TNRC6A: variants seen among roughly 807,000 people sequenced by gnomAD.
TNRC6A encodes trinucleotide repeat-containing gene 6A protein.
Under a neutral mutation model 221.2 loss-of-function variants are expected in TNRC6A, and 44 were observed. The ratio of observed to expected loss-of-function variants is 0.20; its 90% CI spans 0.16 to 0.26. TNRC6A has a LOEUF of 0.26. TNRC6A is among the 10% of genes least tolerant of loss of function. TNRC6A has a pLI of 1.00. For missense variants in TNRC6A, 2,199 were observed against 2,404.4 expected, an observed-to-expected ratio of 0.91 and a Z score of 1.79; for synonymous variants, 847 against 838.5, an observed-to-expected ratio of 1.01 and a Z score of -0.18.
chr16:24,802,951 A>G (rs1421967538), intron 11 of TNRC6A, among the ~76,000 whole-genome samples: 1 of 152,198 alleles, frequency 6.6e-6, no homozygotes, highest in Non-Finnish European at 1.5e-5. Context: ...TTTTGCAGGA[A>G]AAAAGTTTCC....
intron 12 of TNRC6A, 134 bp from the exon 13 acceptor site, chr16:24,804,571 G>A (rs901246410): frequency 3.0e-5 from 41 of 1,346,336 alleles, no homozygotes; most frequent in South Asian, 2.6e-4. Context: ...ACACTAATCC[G>A]ATCTCTTCTG....
intron 11 of TNRC6A, among the ~76,000 whole-genome samples, chr16:24,802,448 C>G (rs2058348631): frequency 6.6e-6 from 1 of 152,122 alleles, no homozygotes; most frequent in Non-Finnish European, 1.5e-5. Flanking sequence ...ACTCAGGAAG[C>G]TGAGGTGAGA....
chr16:24,738,158 C>T (rs1008966864), intron 2 of TNRC6A, among the ~76,000 whole-genome samples: 1 of 152,164 alleles, frequency 6.6e-6, no homozygotes. Flanking sequence ...GGAATTAAAG[C>T]CCAGACTCTT....
chr16:24,765,189 T>A (rs12598296), intron 4 of TNRC6A, among the ~76,000 whole-genome samples: 3 of 152,192 alleles, frequency 2.0e-5, no homozygotes, highest in Admixed American at 2.0e-4. Context: ...CCTTCTATTA[T>A]AACGAATTTC....
chr16:24,820,247 C>A lies in TNRC6A; in HGVS notation c.5189C>A (p.Pro1730Gln). ...TTGCCACCTAAAAACATCACTGCTC[C>A]GTCCCGCCCACCTCCGGGACTGACT... ...VPLPPKNITA[P>Q]SRPPPGLTGQ... Residue 1730 changes from proline (P) to glutamine (Q), a missense_variant, in exon 22 of 25, where the codon CCG becomes CAG. Pro to Gln is a moderately conservative substitution (Grantham distance 76). Around this residue, in one of 8 missense-constraint regions of TNRC6A, gnomAD observed 449 missense variants for 579.7 expected, o/e 0.77. Coordinates refer to ENST00000395799, the MANE Select transcript of TNRC6A (RefSeq NM_014494.4). 2 of 1,614,110 alleles carry A rather than the reference C, an allele frequency of 1.2e-6. No homozygotes were observed. Among genetic ancestry groups the A allele is most frequent in the Non-Finnish European group, 1.7e-6 (2 of 1,180,020 alleles).
chr16:24,803,836 G>A, intron 11 of TNRC6A: 1 of 201,346 alleles, frequency 5.0e-6, no homozygotes, highest in Middle Eastern at 2.0e-3. Flanking sequence ...AGGAGGTGGA[G>A]GTTGCAGTGA....
intron 2 of TNRC6A, among the ~76,000 whole-genome samples, chr16:24,712,907 CTGTGTG>C (rs61198955): frequency 0.031 from 3,988 of 126,612 alleles, 75 homozygotes; most frequent in African/African-American, 0.043. Flanking sequence ...TTATGTGCCA[CTGTGTG>C]TGTGTGTGTG....
intron 2 of TNRC6A, among the ~76,000 whole-genome samples, chr16:24,738,922 C>T (rs1035883653): frequency 2.0e-5 from 3 of 151,794 alleles, no homozygotes; most frequent in African/African-American, 7.3e-5. Context: ...GGTGCAATCT[C>T]AGCTCACTGC....
chr16:24,689,165 T>C (rs11859202), intron 2 of TNRC6A, among the ~76,000 whole-genome samples: 9,671 of 152,236 alleles, frequency 0.064, 787 homozygotes, highest in East Asian at 0.32. Flanking sequence ...GTAACTGATA[T>C]AAACGTGGGA....
intron 4 of TNRC6A, among the ~76,000 whole-genome samples, chr16:24,766,039 A>G (rs1467354205): frequency 1.3e-5 from 2 of 152,236 alleles, no homozygotes; most frequent in Non-Finnish European, 2.9e-5. Flanking sequence ...CAAAGGAAAC[A>G]GGAAGTAGAT....
Position 24,805,636 on chromosome 16 carries a change from A to G in TNRC6A, c.4154A>G (p.Asn1385Ser). The G allele has an allele frequency of 5.0e-6, 8 of 1,614,216 alleles. No individual in the cohort carries two copies. Among genetic ancestry groups the G allele is most frequent in the Non-Finnish European group, 6.8e-6 (8 of 1,180,034 alleles). ...VPVSLLKYAP[N>S]NGGLNPLFGP... The stretch of plus-strand genomic sequence containing the variant: ...GTTTCATTGCTGAAGTATGCACCAA[A>G]CAACGGTGGCCTGAATCCACTCTTT... The change falls in exon 15 of 25, where the codon AAC (asparagine) becomes AGC (serine). Residue 1385 changes from asparagine to serine, a missense_variant. Coordinates refer to ENST00000395799, the MANE Select transcript of TNRC6A (RefSeq NM_014494.4).
At chr16:24,657,612 G>A (rs1049303887) in intron 2 of TNRC6A, among the ~76,000 whole-genome samples, 1 of 151,852 alleles carries the variant, frequency 6.6e-6, no homozygotes, top group Non-Finnish European at 1.5e-5. Flanking sequence ...GGAAGGCTGA[G>A]GCAGGAGAAT....
intron 2 of TNRC6A, among the ~76,000 whole-genome samples, chr16:24,644,817 A>G (rs911672210): frequency 1.3e-5 from 2 of 152,202 alleles, no homozygotes; most frequent in African/African-American, 4.8e-5. Context: ...TAGTTGCCAC[A>G]CTTTTAAAAG....
chr16:24,814,571 T>C (rs9923773), intron 18 of TNRC6A, among the ~76,000 whole-genome samples: 35,783 of 151,326 alleles, frequency 0.24, 4,695 homozygotes, highest in Non-Finnish European at 0.31. Flanking sequence ...CGTGCCACCA[T>C]GCCCAGCTAA....
In TNRC6A at chr16:24,644,152, T is replaced by A. The variant is rs190496205; in HGVS notation, n.402+3143T>A. Among the ~76,000 whole-genome samples, 24 of 134,336 alleles carry A rather than the reference T, an allele frequency of 1.8e-4. No homozygotes were observed. In the East Asian group the frequency reaches 5.0e-3, roughly 28 times the overall value. 88.1% of individuals were successfully genotyped at this position (134,336 alleles called of 152,430 possible). ...CCCAGGCTGGAGTGCAGTGGCGCGA[T>A]CTTGGCTCACTGCAAGCTCTGCCTT... On this transcript the variant is annotated intron_variant and non_coding_transcript_variant, in intron 2 of 2. Coordinates refer to the TNRC6A transcript ENST00000566108.
intron 2 of TNRC6A, among the ~76,000 whole-genome samples, chr16:24,713,237 G>A (rs988549255): frequency 3.9e-5 from 6 of 151,912 alleles, no homozygotes; most frequent in Admixed American, 6.6e-5. Flanking sequence ...GGGTAACATG[G>A]CAAAACCCCG....
chr16:24,706,515 T>G (rs956320458), intron 2 of TNRC6A, among the ~76,000 whole-genome samples: 1 of 151,824 alleles, frequency 6.6e-6, no homozygotes. Flanking sequence ...ATCGAGACTA[T>G]CCTGTCTAAC....
At chr16:24,670,778 G>A (rs2055280636) in intron 2 of TNRC6A, 1 of 174,588 alleles carries the variant, frequency 5.7e-6, no homozygotes, top group African/African-American at 2.4e-5. Context: ...TGTTGCTATG[G>A]TGACAGCCAC....
At chr16:24,615,546 A>AG (rs771911707) in intron 1 of TNRC6A, among the ~76,000 whole-genome samples, 27 of 152,296 alleles carry the variant, frequency 1.8e-4, no homozygotes, top group Non-Finnish European at 3.5e-4. Flanking sequence ...TGGAAAGAGG[A>AG]GGGAAATCGG....
Sources: gnomAD v4.1 joint callset for allele counts (sites outside exome capture counted in the v4.1 genomes callset) on GRCh38, gnomAD v4.1.1 for gene constraint, gnomAD v4.1.1 regional missense constraint, MANE v1.5 for transcripts, NCBI Gene and HGNC (gene_info 2026-07-23, HGNC 2026-07-21) for gene names.